The following GALNT17 variants were observed in gnomAD, a reference collection of about 807,000 sequenced individuals.
GALNT17 encodes UDP-GalNAc:polypeptide N-acetylgalactosaminyltransferase-like 3.
Under a neutral mutation model 63.7 loss-of-function variants are expected in GALNT17, and 29 were observed. That is an observed-to-expected ratio of 0.46 (90% CI 0.34 to 0.62). GALNT17 has a LOEUF of 0.62. GALNT17 is among the 20% of genes least tolerant of loss of function. GALNT17 has a pLI of 0.01. For missense variants in GALNT17, 603 were observed against 799.6 expected (o/e 0.75, Z 2.97); for synonymous variants, 305 against 318.3 (o/e 0.96, Z 0.45).
Position 71,490,270 on chromosome 7 carries a change from A to AAT in GALNT17, c.962+69165_962+69166insAT, listed in dbSNP as rs1481173846. ...AGACTCTGTCTCAAAAAAAAAAAAAAGAAGCATGATCTGGAACAGTACTCA... is the reference window on the plus strand; with the variant it reads ...AGACTCTGTCTCAAAAAAAAAAAAAAATGAAGCATGATCTGGAACAGTACTCA... On this transcript the variant is annotated intron_variant, in intron 5 of 10. Transcript: ENST00000333538. 3.3e-5 allele frequency among the ~76,000 whole-genome samples: 5 copies of AAT among 151,626 alleles called. No homozygotes were observed. In the East Asian group the frequency reaches 9.7e-4, roughly 29 times the overall value.
intron 5 of GALNT17, among the ~76,000 whole-genome samples, chr7:71,445,170 T>TC (rs1491390754): frequency 4.0e-5 from 6 of 148,538 alleles, no homozygotes; most frequent in African/African-American, 1.5e-4. Flanking sequence ...CCTTTTTTTT[T>TC]CTTTCTTTCT....
chr7:71,388,127 T>A, intron 2 of GALNT17, 108 bp from the exon 3 acceptor site: 1 of 1,225,624 alleles, frequency 8.2e-7, no homozygotes. Flanking sequence ...ATTCACGCCT[T>A]GGGACGACTG....
intron 6 of GALNT17, among the ~76,000 whole-genome samples, chr7:71,612,786 AG>A (rs1395620429): frequency 4.6e-5 from 7 of 152,220 alleles, no homozygotes; most frequent in African/African-American, 1.7e-4. Flanking sequence ...CTTTCATCCA[AG>A]CTCCTAGTTT....
At chr7:71,590,777 G>C (rs561136323) in intron 6 of GALNT17, among the ~76,000 whole-genome samples, 2 of 152,246 alleles carry the variant, frequency 1.3e-5, no homozygotes, top group Admixed American at 6.5e-5. Context: ...GCCCAGGCTG[G>C]AGTGTAGTGG....
chr7:71,386,254 A>G (rs1322433762), intron 2 of GALNT17, among the ~76,000 whole-genome samples: 2 of 152,184 alleles, frequency 1.3e-5, no homozygotes, highest in Non-Finnish European at 2.9e-5. Flanking sequence ...TGCCTACATG[A>G]TTAATATGGC....
intron 1 of GALNT17, among the ~76,000 whole-genome samples, chr7:71,221,505 G>T (rs572827723): frequency 3.3e-5 from 5 of 151,312 alleles, no homozygotes; most frequent in African/African-American, 1.2e-4. Flanking sequence ...ATTCCACTCG[G>T]CTGACTTCTC....
chr7:71,661,924 T>A (rs913087874), intron 6 of GALNT17, among the ~76,000 whole-genome samples: 12 of 152,084 alleles, frequency 7.9e-5, no homozygotes, highest in Admixed American at 7.9e-4. Flanking sequence ...TGTTACACCA[T>A]CTCCCTCCCC....
At chr7:71,425,888 A>G (rs1398664482) in intron 5 of GALNT17, among the ~76,000 whole-genome samples, 1 of 152,154 alleles carries the variant, frequency 6.6e-6, no homozygotes, top group African/African-American at 2.4e-5. Context: ...TACTGGAAGC[A>G]TGGAGGCTTC....
chr7:71,237,997 CTTTA>C (rs1789926329), intron 1 of GALNT17, among the ~76,000 whole-genome samples: 1 of 152,152 alleles, frequency 6.6e-6, no homozygotes, highest in African/African-American at 2.4e-5. Flanking sequence ...AAAATATCCA[CTTTA>C]TTTATTGAGA....
chr7:71,289,601 C>G lies in GALNT17; in HGVS notation c.239-45949C>G, dbSNP rs115731778. 4.7e-3 allele frequency among the ~76,000 whole-genome samples: 715 copies of G among 151,782 alleles called. 4 individuals carry two copies. Among genetic ancestry groups the G allele is most frequent in the African/African-American group, 0.017 (684 of 41,356 alleles). On this transcript the variant is annotated intron_variant, in intron 1 of 10. Coordinates refer to ENST00000333538, the MANE Select transcript of GALNT17 (RefSeq NM_022479.3). ...AAATATAAAAATTAGCCAGATGGAC[C>G]GGGTGCAACGGCTCACACCTGTAAT...
chr7:71,510,232 C>G (rs1788333350), intron 5 of GALNT17, among the ~76,000 whole-genome samples: 1 of 152,182 alleles, frequency 6.6e-6, no homozygotes, highest in Non-Finnish European at 1.5e-5. Context: ...CAGGCATGAG[C>G]CACTGCACCT....
intron 3 of GALNT17, among the ~76,000 whole-genome samples, chr7:71,396,671 G>C (rs1793144790): frequency 6.6e-6 from 1 of 152,078 alleles, no homozygotes; most frequent in African/African-American, 2.4e-5. Context: ...TTAGAATTTT[G>C]TTGGGATTGT....
At chr7:71,349,717 C>T (rs1792158304) in intron 2 of GALNT17, among the ~76,000 whole-genome samples, 2 of 152,126 alleles carry the variant, frequency 1.3e-5, no homozygotes, top group Admixed American at 1.3e-4. Flanking sequence ...ATGGTACGTG[C>T]CCCAATGATG....
At chr7:71,517,374 C>A (rs1356223815) in intron 5 of GALNT17, among the ~76,000 whole-genome samples, 2 of 152,162 alleles carry the variant, frequency 1.3e-5, no homozygotes, top group Non-Finnish European at 2.9e-5. Context: ...TCCTGACCTG[C>A]CACTACCATT....
intron 1 of GALNT17, among the ~76,000 whole-genome samples, chr7:71,271,252 C>G (rs1583817530): frequency 6.6e-6 from 1 of 152,324 alleles, no homozygotes; most frequent in South Asian, 2.1e-4. Context: ...TCCATACACC[C>G]CAACTCCAGA....
chr7:71,546,092 TCAA>T (rs369535513), intron 5 of GALNT17, among the ~76,000 whole-genome samples: 4 of 151,244 alleles, frequency 2.6e-5, no homozygotes, highest in South Asian at 2.1e-4. Flanking sequence ...AGACCCTGTC[TCAA>T]CAACAACAAC....
chr7:71,577,241 G>T (rs1000988742), intron 6 of GALNT17, among the ~76,000 whole-genome samples: 4 of 152,180 alleles, frequency 2.6e-5, no homozygotes, highest in African/African-American at 9.7e-5. Flanking sequence ...GCCAAGGGTT[G>T]AAAAACTACC....
intron 2 of GALNT17, among the ~76,000 whole-genome samples, chr7:71,383,626 G>A (rs924329740): frequency 6.6e-6 from 1 of 151,934 alleles, no homozygotes; most frequent in Non-Finnish European, 1.5e-5. Flanking sequence ...CAGAGATGGG[G>A]TCTCACTGTG....
At chr7:71,666,611 A>T (rs562405896) in intron 7 of GALNT17, among the ~76,000 whole-genome samples, 4 of 151,892 alleles carry the variant, frequency 2.6e-5, no homozygotes, top group African/African-American at 9.7e-5. Context: ...ATACCTTTGC[A>T]TCCTCATAGC....
Sources: gnomAD v4.1 joint callset for allele counts (sites outside exome capture counted in the v4.1 genomes callset) on GRCh38, gnomAD v4.1.1 for gene constraint, MANE v1.5 for transcripts, NCBI Gene and HGNC (gene_info 2026-07-23, HGNC 2026-07-21) for gene names.